Variants in VPS37A observed in about 807,000 individuals in gnomAD.
The protein encoded by VPS37A is vacuolar protein sorting-associated protein 37A.
A neutral mutation model predicts 49.8 loss-of-function variants in VPS37A; 30 were observed. The ratio of observed to expected loss-of-function variants is 0.60; its 90% confidence interval spans 0.45 to 0.82. The LOEUF is 0.82. Ranked by LOEUF, VPS37A falls within the 40% of genes least tolerant of loss-of-function variation. VPS37A has a pLI of 0.00. For synonymous variants in VPS37A, 195 were observed against 160.6 expected, an observed-to-expected ratio of 1.21 and a Z score of -1.62; for missense variants, 593 against 464.4, an observed-to-expected ratio of 1.28 and a Z score of -2.55.
At chr8:17,299,028 C>CTT (rs1816924677), downstream of VPS37A, 1 of 152,286 alleles carries the variant, frequency 6.6e-6, no homozygotes, top group African/African-American at 2.4e-5. Flanking sequence ...TAATGTGATA[C>CTT]TTTGAGATCA....
chr8:17,255,823 C>T (rs531979673), intron 1 of VPS37A, among the ~76,000 whole-genome samples: 1 of 152,270 alleles, frequency 6.6e-6, no homozygotes, highest in Non-Finnish European at 1.5e-5. Flanking sequence ...TGTCACTTAA[C>T]GTAATGACTT....
intron 6 of VPS37A, chr8:17,279,705 T>C: frequency 2.3e-6 from 1 of 432,596 alleles, no homozygotes; most frequent in Non-Finnish European, 4.5e-6. Flanking sequence ...TTAAGTTGAC[T>C]TTATTTTTAA....
chr8:17,263,240 T>G (rs889201205), intron 1 of VPS37A, among the ~76,000 whole-genome samples: 1 of 152,114 alleles, frequency 6.6e-6, no homozygotes, highest in African/African-American at 2.4e-5. Context: ...TTTACAGTGG[T>G]TTTTTGGCAA....
At chr8:17,320,968 A>G in the VPS37A span, among the ~76,000 whole-genome samples, 1 of 151,520 alleles carries the variant, frequency 6.6e-6, no homozygotes, top group African/African-American at 2.4e-5. Context: ...GATTCCTCCA[A>G]GCCTTCCATA....
the VPS37A span, among the ~76,000 whole-genome samples, chr8:17,320,484 G>T: frequency 1.3e-5 from 2 of 152,116 alleles, no homozygotes; most frequent in Non-Finnish European, 2.9e-5. Flanking sequence ...GGCCCCAGGA[G>T]CATTCTGAGA....
the VPS37A span, among the ~76,000 whole-genome samples, chr8:17,318,552 G>A: frequency 1.8e-4 from 27 of 152,168 alleles, no homozygotes; most frequent in South Asian, 4.1e-4. Context: ...GTCTGGACTC[G>A]CTCTTCCTGT....
chr8:17,311,847 G>T, the VPS37A span: 1 of 646,866 alleles, frequency 1.5e-6, no homozygotes, highest in East Asian at 2.8e-5. Flanking sequence ...ATTCTATCCA[G>T]AAGCCACCAC....
downstream of VPS37A, among the ~76,000 whole-genome samples, chr8:17,301,471 GC>G (rs1489081253): frequency 6.6e-6 from 1 of 152,088 alleles, no homozygotes; most frequent in Non-Finnish European, 1.5e-5. Flanking sequence ...TATACAAGCA[GC>G]AAAAACCATT....
intron 10 of VPS37A, among the ~76,000 whole-genome samples, chr8:17,286,113 C>G (rs1368715105): frequency 1.3e-5 from 2 of 152,144 alleles, no homozygotes; most frequent in Admixed American, 6.5e-5. Flanking sequence ...AAGAAGATGA[C>G]AGGCATGTCT....
intron 1 of VPS37A, among the ~76,000 whole-genome samples, chr8:17,261,937 G>C (rs1261754126): frequency 6.6e-6 from 1 of 152,176 alleles, no homozygotes; most frequent in Non-Finnish European, 1.5e-5. Flanking sequence ...CTGTCCTCAG[G>C]AATATTTCTC....
chr8:17,269,047 C>T, intron 4 of VPS37A, 91 bp downstream of exon 4: 2 of 907,248 alleles, frequency 2.2e-6, no homozygotes, highest in Non-Finnish European at 3.2e-6. Flanking sequence ...TGTTAAAAAT[C>T]AGTCCTCTGA....
chr8:17,267,710 A>G (rs1294721326), intron 2 of VPS37A, among the ~76,000 whole-genome samples: 1 of 152,162 alleles, frequency 6.6e-6, no homozygotes, highest in East Asian at 1.9e-4. Flanking sequence ...TTAGTTTTTC[A>G]AAGATGAGGT....
the VPS37A span, among the ~76,000 whole-genome samples, chr8:17,330,343 C>T: frequency 6.6e-6 from 1 of 152,220 alleles, no homozygotes; most frequent in Non-Finnish European, 1.5e-5. Context: ...TCCCCAGAAG[C>T]GCAGACAGTG....
intron 1 of VPS37A, among the ~76,000 whole-genome samples, chr8:17,248,681 C>G (rs1306128206): frequency 6.6e-6 from 1 of 152,124 alleles, no homozygotes; most frequent in Non-Finnish European, 1.5e-5. Context: ...ATTAAATAGT[C>G]TAGTTAATAG....
chr8:17,256,129 T>C (rs1812424809), intron 1 of VPS37A, among the ~76,000 whole-genome samples: 1 of 152,050 alleles, frequency 6.6e-6, no homozygotes, highest in South Asian at 2.1e-4. Context: ...TGTTAGTCTT[T>C]TGAGGAACCT....
intron 5 of VPS37A, 21 bp downstream of exon 5, chr8:17,274,979 A>G (rs372132991): frequency 1.6e-5 from 25 of 1,602,858 alleles, no homozygotes; most frequent in Middle Eastern, 1.7e-4. Context: ...TCAGTTATCT[A>G]TATTTTGTGC....
downstream of VPS37A, chr8:17,302,180 C>G (rs778518415): frequency 2.5e-6 from 4 of 1,614,030 alleles, no homozygotes; most frequent in Non-Finnish European, 2.5e-6. Flanking sequence ...AGTTCTTCCT[C>G]TAGCTGCTGA....
rs565067561 is a variant in VPS37A at position 17,253,663 on chromosome 8, A to G, written c.125+6294A>G. On this transcript the variant is annotated intron_variant, in intron 1 of 11. Coordinates refer to ENST00000324849, the MANE Select transcript of VPS37A (RefSeq NM_152415.3). ...TAACTCTTTTAAATGTAACTCAGAT[A>G]TTATTTTTTCCAGAAGACCCCACTG... 1.1e-4 allele frequency among the ~76,000 whole-genome samples: 16 copies of G among 152,282 alleles called. No homozygotes were observed. In the South Asian group the frequency reaches 3.3e-3, roughly 32 times the overall value.
At chr8:17,266,894 T>G (rs957718954) in intron 2 of VPS37A, among the ~76,000 whole-genome samples, 1 of 152,074 alleles carries the variant, frequency 6.6e-6, no homozygotes, top group East Asian at 1.9e-4. Flanking sequence ...TGCCTCAGCT[T>G]CTTGAGTAGC....
Sources: allele counts gnomAD v4.1 joint callset (sites outside exome capture counted in the v4.1 genomes callset), GRCh38; gene constraint gnomAD v4.1.1; transcripts MANE v1.5; gene names NCBI Gene and HGNC (gene_info 2026-07-23, HGNC 2026-07-21).